The following NCAM2 variants were observed in gnomAD, a reference collection of about 807,000 sequenced individuals.
The protein encoded by NCAM2 is N-CAM-2.
A neutral mutation model predicts 98.1 loss-of-function variants in NCAM2; 30 were observed. The observed-to-expected ratio is 0.31, with a 90% CI of 0.23 to 0.41. The LOEUF (loss-of-function observed/expected upper bound fraction) is 0.41. NCAM2 is among the 10% of genes least tolerant of loss of function. NCAM2 has a pLI of 1.00. For synonymous variants in NCAM2, 368 were observed against 342.4 expected (o/e 1.07, Z -0.83); for missense variants, 867 against 1,005.8 (o/e 0.86, Z 1.87).
chr21:21,335,079 A>T (rs545799608), intron 6 of NCAM2, among the ~76,000 whole-genome samples: 1 of 152,170 alleles, frequency 6.6e-6, no homozygotes, highest in South Asian at 2.1e-4. Flanking sequence ...CTGTGAAGAA[A>T]TTTTCTACAT....
chr21:21,210,487 G>A (rs1224183876), intron 1 of NCAM2: 3 of 1,247,318 alleles, frequency 2.4e-6, no homozygotes, highest in Non-Finnish European at 3.1e-6. Flanking sequence ...TGAAGTACAA[G>A]TAATTAAAAA....
chr21:21,266,728 G>A (rs2147397592), intron 1 of NCAM2, among the ~76,000 whole-genome samples: 1 of 152,110 alleles, frequency 6.6e-6, no homozygotes, highest in Admixed American at 6.6e-5. Flanking sequence ...TTGTGGGGTG[G>A]GTGGAGGGGG....
intron 1 of NCAM2, among the ~76,000 whole-genome samples, chr21:21,150,552 T>A (rs1233123942): frequency 6.6e-6 from 1 of 152,082 alleles, no homozygotes; most frequent in East Asian, 1.9e-4. Flanking sequence ...TTAATTGATG[T>A]TGAATTTTGT....
At chr21:21,156,184 G>A (rs778281296) in intron 1 of NCAM2, among the ~76,000 whole-genome samples, 21 of 151,960 alleles carry the variant, frequency 1.4e-4, no homozygotes, top group Non-Finnish European at 2.9e-5. Context: ...TAGCATGCTT[G>A]TTCTGTAGTA....
chr21:21,212,116 A>G (rs903037978), intron 1 of NCAM2, among the ~76,000 whole-genome samples: 6 of 152,222 alleles, frequency 3.9e-5, no homozygotes, highest in African/African-American at 1.4e-4. Context: ...AAATATCCAT[A>G]GCAGGTTTAT....
chr21:21,385,516 A>G (rs2076252739), intron 9 of NCAM2: 2 of 556,124 alleles, frequency 3.6e-6, no homozygotes, highest in African/African-American at 3.9e-5. Context: ...TTATAATTTG[A>G]TAGAAGCCGC....
chr21:21,441,838 A>C (rs1602352315), intron 12 of NCAM2, among the ~76,000 whole-genome samples: 1 of 152,268 alleles, frequency 6.6e-6, no homozygotes, highest in East Asian at 1.9e-4. Context: ...GCATGGTTGC[A>C]CTAGAGAGAA....
At chr21:21,253,398 T>C (rs2071543185) in intron 1 of NCAM2, among the ~76,000 whole-genome samples, 1 of 152,142 alleles carries the variant, frequency 6.6e-6, no homozygotes, top group African/African-American at 2.4e-5. Flanking sequence ...ACCAGTAGTA[T>C]AGTATTAGGT....
chr21:21,274,117 A>T (rs1232689874), intron 1 of NCAM2, among the ~76,000 whole-genome samples: 1 of 151,880 alleles, frequency 6.6e-6, no homozygotes, highest in South Asian at 2.1e-4. Flanking sequence ...GTGAGCTGAG[A>T]TCGCACCATT....
intron 12 of NCAM2, among the ~76,000 whole-genome samples, chr21:21,449,017 A>C (rs2146117661): frequency 6.6e-6 from 1 of 152,198 alleles, no homozygotes; most frequent in Admixed American, 6.6e-5. Flanking sequence ...AGCTAAGAGA[A>C]AAATTAAGCA....
Position 21,490,378 on chromosome 21 carries a change from T to G in NCAM2, c.2077+12907T>G, listed in dbSNP as rs75249304. Among the ~76,000 whole-genome samples the G allele has an allele frequency of 5.9e-5, 9 of 152,060 alleles. No individual in the cohort carries two copies. In the East Asian group the frequency reaches 1.7e-3, roughly 29 times the overall value. ...ACTTTCATCCAAGTAGAATTAAACTTAATTTTAATTGTGAACTAATCTAAT... is the reference window on the plus strand; with the variant it reads ...ACTTTCATCCAAGTAGAATTAAACTGAATTTTAATTGTGAACTAATCTAAT... On this transcript the variant is annotated intron_variant, in intron 15 of 17. Coordinates refer to ENST00000400546, the MANE Select transcript of NCAM2 (RefSeq NM_004540.5).
intron 16 of NCAM2, among the ~76,000 whole-genome samples, chr21:21,520,703 G>A (rs114700540): frequency 0.023 from 3,550 of 152,172 alleles, 138 homozygotes; most frequent in African/African-American, 0.08. Flanking sequence ...GCAAACTACC[G>A]TCCTGAAAAT....
intron 5 of NCAM2, among the ~76,000 whole-genome samples, chr21:21,299,858 A>T (rs1027311937): frequency 6.6e-6 from 1 of 151,900 alleles, no homozygotes; most frequent in African/African-American, 2.4e-5. Context: ...CATCCATGGG[A>T]TACCAAATCC....
intron 1 of NCAM2, among the ~76,000 whole-genome samples, chr21:21,038,562 C>G (rs1474047441): frequency 6.6e-6 from 1 of 152,136 alleles, no homozygotes; most frequent in African/African-American, 2.4e-5. Context: ...AGGCCTTAAT[C>G]CCCTTTTGCT....
chr21:21,050,440 G>A (rs2065084844), intron 1 of NCAM2, among the ~76,000 whole-genome samples: 1 of 152,126 alleles, frequency 6.6e-6, no homozygotes, highest in Non-Finnish European at 1.5e-5. Flanking sequence ...AGTAAAGAAG[G>A]CACATTGATT....
chr21:21,433,171 G>A lies in NCAM2; in HGVS notation c.1654+890G>A, dbSNP rs553019474. On this transcript the variant is annotated intron_variant, in intron 12 of 17. Coordinates refer to ENST00000400546, the MANE Select transcript of NCAM2 (RefSeq NM_004540.5). The stretch of plus-strand genomic sequence containing the variant: ...GCACTGAGCATAACTATGGGTTTTT[G>A]ATAGAAGTATCAGAAACATTAATCA... Among the ~76,000 whole-genome samples, 17 of 152,244 alleles carry A rather than the reference G, an allele frequency of 1.1e-4. No homozygotes were observed. In the South Asian group the frequency reaches 1.9e-3, roughly 17 times the overall value.
chr21:21,202,247 A>G (rs1315352494), intron 1 of NCAM2, among the ~76,000 whole-genome samples: 1 of 152,100 alleles, frequency 6.6e-6, no homozygotes, highest in Non-Finnish European at 1.5e-5. Flanking sequence ...GGTGATAATA[A>G]TTGTACACAT....
intron 12 of NCAM2, among the ~76,000 whole-genome samples, chr21:21,458,442 G>A (rs73324891): frequency 0.054 from 8,167 of 152,252 alleles, 288 homozygotes; most frequent in African/African-American, 0.087. Context: ...GTAGGAGTGG[G>A]GCTCAGGCAC....
intron 1 of NCAM2, among the ~76,000 whole-genome samples, chr21:21,051,986 A>C (rs2065118132): frequency 6.6e-6 from 1 of 152,112 alleles, no homozygotes; most frequent in Non-Finnish European, 1.5e-5. Context: ...CTTTCATTTT[A>C]GAGTCAGAGT....
Sources: allele counts gnomAD v4.1 joint callset (sites outside exome capture counted in the v4.1 genomes callset), GRCh38; gene constraint gnomAD v4.1.1; transcripts MANE v1.5; gene names NCBI Gene and HGNC (gene_info 2026-07-23, HGNC 2026-07-21).